Variants in CECR2 observed in about 807,000 individuals in gnomAD.
CECR2 encodes CECR2 histone acetyl-lysine reader.
In CECR2, 30 loss-of-function variants were observed where a neutral mutation model predicts 154.5. That is an observed-to-expected ratio of 0.19 (90% CI 0.15 to 0.26). CECR2 has a LOEUF of 0.26. Among genes scored for constraint, CECR2 ranks in the 10% least tolerant of loss-of-function variants. CECR2 has a pLI of 1.00. For synonymous variants in CECR2, 725 were observed against 683.7 expected, an observed-to-expected ratio of 1.06 and a Z score of -0.94; for missense variants, 1,743 against 1,829.3, an observed-to-expected ratio of 0.95 and a Z score of 0.86.
Position 17,552,954 on chromosome 22 carries a change from G to A in CECR2, c.*114G>A, listed in dbSNP as rs1263610235. The A allele has an allele frequency of 5.3e-6, 8 of 1,507,598 alleles. No individual in the cohort carries two copies. Among genetic ancestry groups the A allele is most frequent in the South Asian group, 5.2e-5 (4 of 77,292 alleles). 93.4% of individuals were successfully genotyped at this position (1,507,598 alleles called of 1,614,324 possible). A position where few individuals can be genotyped will look rare whatever the true frequency, so the allele number is the denominator to read the frequency against. ...CCCATCACCTGCTCCACCCCTTCAC[G>A]GCGACCCACTCGTGCCATACTTGAG... is the stretch of plus-strand genomic sequence containing the variant. On this transcript the variant is annotated 3_prime_UTR_variant, in exon 19 of 19. Transcript: ENST00000262608.
intron 1 of CECR2, among the ~76,000 whole-genome samples, chr22:17,463,544 G>A (rs1240803727): frequency 2.0e-5 from 3 of 152,098 alleles, no homozygotes; most frequent in African/African-American, 7.2e-5. Context: ...TGAAAAGAGA[G>A]AAAAAGGGAA....
At chr22:17,426,811 C>T (rs778846895) in intron 1 of CECR2, among the ~76,000 whole-genome samples, 1 of 151,982 alleles carries the variant, frequency 6.6e-6, no homozygotes, top group Non-Finnish European at 1.5e-5. Flanking sequence ...TCTCTGTGTC[C>T]TATAAATTGG....
At position 17,554,024 on chromosome 22, in the gene CECR2, T is replaced by G. The variant is rs2056746783; in HGVS notation, c.*1184T>G. 1 of 152,252 alleles carries G rather than the reference T, an allele frequency of 6.6e-6. No homozygotes were observed. The highest frequency in any genetic ancestry group is 2.1e-4 in the South Asian group (1 of 4,834). The allele number at this position is 152,252 out of a possible 1,614,324, so 9.4% of individuals were successfully genotyped here. A position where few individuals can be genotyped will look rare whatever the true frequency, so the allele number is the denominator to read the frequency against. On this transcript the variant is annotated 3_prime_UTR_variant, in exon 19 of 19. Transcript: ENST00000262608. ...GTTTTTATTCGTTTTAAGTGAATCA[T>G]AGTAAAATCAGTCATGGTGATTTAA... is the stretch of plus-strand genomic sequence containing the variant.
chr22:17,406,892 G>A (rs1370550257), intron 1 of CECR2, among the ~76,000 whole-genome samples: 2 of 152,180 alleles, frequency 1.3e-5, no homozygotes, highest in African/African-American at 4.8e-5. Flanking sequence ...TGCCTGGCAT[G>A]CCTGGGGTAT....
chr22:17,404,872 C>CA (rs978761962), intron 1 of CECR2, among the ~76,000 whole-genome samples: 9 of 151,940 alleles, frequency 5.9e-5, no homozygotes, highest in African/African-American at 9.7e-5. Context: ...TCAGTTTCTA[C>CA]AAAAAAAGCC....
intron 1 of CECR2, among the ~76,000 whole-genome samples, chr22:17,370,706 C>G (rs1462318409): frequency 3.3e-5 from 5 of 152,126 alleles, no homozygotes; most frequent in Non-Finnish European, 5.9e-5. Context: ...ATAACTGGGC[C>G]GAAACCCGAG....
intron 1 of CECR2, among the ~76,000 whole-genome samples, chr22:17,452,008 C>T (rs1224452492): frequency 2.6e-5 from 4 of 152,150 alleles, no homozygotes; most frequent in Admixed American, 2.6e-4. Flanking sequence ...GGAATTAGTA[C>T]CCTAAGTTGT....
At chr22:17,478,533 T>G (rs1170971989) in intron 2 of CECR2, among the ~76,000 whole-genome samples, 1 of 151,932 alleles carries the variant, frequency 6.6e-6, no homozygotes, top group Non-Finnish European at 1.5e-5. Context: ...TTTTTTGTAT[T>G]TTTAGTGGAA....
Position 17,525,121 on chromosome 22 carries a change from T to G in CECR2, c.1108+850T>G, listed in dbSNP as rs534162297. Among the ~76,000 whole-genome samples the G allele has an allele frequency of 3.3e-3, 490 of 148,194 alleles. 2 individuals carry two copies. Among genetic ancestry groups the G allele is most frequent in the African/African-American group, 0.011 (463 of 40,686 alleles). ...CAACATGGAGAAACCCCATCTCTAC[T>G]AAAAATACAAAAAATTAGCTGGGCG... On this transcript the variant is annotated intron_variant, in intron 9 of 18. Transcript: ENST00000262608.
intron 1 of CECR2, among the ~76,000 whole-genome samples, chr22:17,425,873 A>G (rs144528128): frequency 6.6e-4 from 101 of 152,338 alleles, no homozygotes; most frequent in African/African-American, 2.3e-3. Flanking sequence ...GAGAAAGGAA[A>G]GGAGATAAGA....
At chr22:17,465,983 T>C (rs970913356) in intron 1 of CECR2, among the ~76,000 whole-genome samples, 1 of 152,020 alleles carries the variant, frequency 6.6e-6, no homozygotes, top group Non-Finnish European at 1.5e-5. Context: ...TTATTGAACA[T>C]GGTAAAGTAA....
intron 1 of CECR2, among the ~76,000 whole-genome samples, chr22:17,474,106 G>A (rs1390872699): frequency 6.6e-6 from 1 of 152,026 alleles, no homozygotes; most frequent in Non-Finnish European, 1.5e-5. Context: ...CTCTCCAGGG[G>A]TTCGTCACCT....
intron 9 of CECR2, among the ~76,000 whole-genome samples, chr22:17,529,292 G>T (rs1404757694): frequency 1.3e-5 from 2 of 152,040 alleles, no homozygotes; most frequent in Non-Finnish European, 2.9e-5. Context: ...TGGAAGTCCC[G>T]GCGCGGCTGG....
At chr22:17,408,198 C>A (rs1002585590) in intron 1 of CECR2, among the ~76,000 whole-genome samples, 1 of 145,972 alleles carries the variant, frequency 6.9e-6, no homozygotes, top group Non-Finnish European at 1.5e-5. Flanking sequence ...CCCTGTACCC[C>A]CCTCAGCCCC....
intron 1 of CECR2, among the ~76,000 whole-genome samples, chr22:17,408,553 A>T (rs948539467): frequency 1.3e-5 from 2 of 152,096 alleles, no homozygotes; most frequent in Non-Finnish European, 2.9e-5. Flanking sequence ...TTTTAATCCT[A>T]CACTGATTGC....
intron 16 of CECR2, among the ~76,000 whole-genome samples, chr22:17,545,858 A>T (rs930017564): frequency 6.6e-6 from 1 of 151,676 alleles, no homozygotes; most frequent in Non-Finnish European, 1.5e-5. Context: ...AAAAAAAAAA[A>T]AGATAATAGA....
At chr22:17,512,073 G>A (rs141454025) in intron 8 of CECR2, among the ~76,000 whole-genome samples, 177 bp downstream of exon 8, 128 of 152,238 alleles carry the variant, frequency 8.4e-4, no homozygotes, top group African/African-American at 2.8e-3. Context: ...ATTAGAAGAC[G>A]TGAGGCCACA....
chr22:17,395,500 A>G (rs1474537729), intron 1 of CECR2, among the ~76,000 whole-genome samples: 1 of 151,894 alleles, frequency 6.6e-6, no homozygotes, highest in East Asian at 1.9e-4. Context: ...ACACGCCACC[A>G]TGCTGGGCTA....
rs769104481 is a variant in CECR2, at chr22:17,549,248, A to G, written c.3961A>G (p.Thr1321Ala). The G allele has an allele frequency of 1.9e-6, 3 of 1,613,570 alleles. No homozygotes were observed. Among genetic ancestry groups the G allele is most frequent in the Admixed American group, 1.7e-5 (1 of 59,966 alleles). The change falls in exon 17 of 19, where the codon ACT becomes GCT. Residue 1321 changes from threonine to alanine, a missense_variant. Transcript: ENST00000262608. The part of the protein sequence containing the change: ...SLSASEYLYG[T>A]PPPLSSGMGF... The stretch of plus-strand genomic sequence containing the variant: ...GTCAGCCAGCGAGTATCTCTATGGA[A>G]CTCCTCCGCCTCTGAGTTCAGGAAT...
Sources: allele counts gnomAD v4.1 joint callset (sites outside exome capture counted in the v4.1 genomes callset), GRCh38; gene constraint gnomAD v4.1.1; transcripts MANE v1.5; gene names NCBI Gene and HGNC (gene_info 2026-07-23, HGNC 2026-07-21).